The following RAB18 variants were observed in gnomAD, a reference collection of about 807,000 sequenced individuals.
The protein encoded by RAB18 is ras-related protein Rab-18.
In RAB18, 10 loss-of-function variants were observed where a neutral mutation model predicts 28.5. That is an observed-to-expected ratio of 0.35 (90% CI 0.22 to 0.60). The LOEUF is 0.60. Among genes scored for constraint, RAB18 ranks in the 20% least tolerant of loss-of-function variants. The pLI is 0.78. For missense variants in RAB18, 188 were observed against 244.2 expected (o/e 0.77, Z 1.53); for synonymous variants, 93 against 86.9 (o/e 1.07, Z -0.39).
intron 1 of RAB18, among the ~76,000 whole-genome samples, chr10:27,507,628 T>G (rs1293037570): frequency 6.6e-6 from 1 of 151,560 alleles, no homozygotes; most frequent in Non-Finnish European, 1.5e-5. Flanking sequence ...TTATTATAAA[T>G]TTGGTCACAT....
intron 6 of RAB18, among the ~76,000 whole-genome samples, chr10:27,535,382 A>T (rs1834872863): frequency 6.6e-6 from 1 of 152,124 alleles, no homozygotes; most frequent in Admixed American, 6.5e-5. Context: ...GTCTAGAGGG[A>T]GATCATCTCA....
In RAB18 at chr10:27,541,306, T is replaced by G; in HGVS notation, c.*3255T>G. ...AATAGACATAGACAGGCTAGCTAAG[T>G]CAAGACTAGGGGCTAAGGAATATAG... On this transcript the variant is annotated 3_prime_UTR_variant, in exon 7 of 7. Transcript: ENST00000356940. 2.2e-6 allele frequency: 1 copy of G among 453,504 alleles called. No individual in the cohort carries two copies. Among genetic ancestry groups the G allele is most frequent in the Non-Finnish European group, 4.4e-6 (1 of 226,718 alleles). 28.1% of individuals were successfully genotyped at this position (453,504 alleles called of 1,614,324 possible). A position where few individuals can be genotyped will look rare whatever the true frequency, so the allele number is the denominator to read the frequency against.
rs1166917754 is a variant in RAB18 at position 27,533,914 on chromosome 10, C to T, written c.379-14C>T. ...TTTTGGTAGCCTTTCTTAATCATTG[C>T]ATTTATATTTTAGGAAAATCGTGAA... On this transcript the variant is annotated splice_polypyrimidine_tract_variant and intron_variant, in intron 5 of 6. Coordinates refer to ENST00000356940, the MANE Select transcript of RAB18 (RefSeq NM_021252.5). 6.2e-7 allele frequency: 1 copy of T among 1,609,178 alleles called. No individual in the cohort carries two copies. Among genetic ancestry groups the T allele is most frequent in the Non-Finnish European group, 8.5e-7 (1 of 1,175,766 alleles).
chr10:27,525,141 G>A (rs977086243), intron 2 of RAB18, among the ~76,000 whole-genome samples: 6 of 152,122 alleles, frequency 3.9e-5, no homozygotes, highest in South Asian at 2.1e-4. Context: ...GAGGAGTTGG[G>A]GTATGGGAAG....
At chr10:27,522,509 C>G (rs1043376022) in intron 2 of RAB18, among the ~76,000 whole-genome samples, 2 of 152,194 alleles carry the variant, frequency 1.3e-5, no homozygotes, top group East Asian at 3.9e-4. Context: ...TTCTGCCAAT[C>G]TTTTGATAGG....
In RAB18 at chr10:27,541,635, CTT is replaced by C. The variant is rs34647017; in HGVS notation, c.*3596_*3597del. 4.8e-3 allele frequency: 1,960 copies of C among 411,840 alleles called. No homozygotes were observed. The highest frequency in any genetic ancestry group is 8.7e-3 in the Admixed American group (323 of 37,000). 25.5% of individuals were successfully genotyped at this position (411,840 alleles called of 1,614,324 possible). On this transcript the variant is annotated 3_prime_UTR_variant, in exon 7 of 7. Coordinates refer to ENST00000356940, the MANE Select transcript of RAB18 (RefSeq NM_021252.5). ...CGTTTCTCATGCAGGTTATTTCTTG[CTT>C]TTTTTTTTTTTCCTCTTTTTTAACC...
At chr10:27,524,303 A>G (rs1263035100) in intron 2 of RAB18, among the ~76,000 whole-genome samples, 3 of 152,092 alleles carry the variant, frequency 2.0e-5, no homozygotes, top group Non-Finnish European at 2.9e-5. Context: ...CATGTGGTGT[A>G]CAGTTGTAAC....
Position 27,533,930 on chromosome 10 carries a change from A to T in RAB18, c.381A>T (p.Glu127Asp). The change falls in exon 6 of 7, where the codon GAA becomes GAT. Residue 127 changes from glutamate to aspartate, a missense_variant and splice_region_variant. Glu to Asp is a conservative substitution (Grantham distance 45). Coordinates refer to ENST00000356940, the MANE Select transcript of RAB18 (RefSeq NM_021252.5). ...NMLVGNKIDK[E>D]NREVDRNEGL... is the part of the protein sequence containing the mutation. ...TAATCATTGCATTTATATTTTAGGA[A>T]AATCGTGAAGTCGATAGAAATGAAG... 1.2e-6 allele frequency: 2 copies of T among 1,610,678 alleles called. No homozygotes were observed. The highest frequency in any genetic ancestry group is 1.7e-6 in the Non-Finnish European group (2 of 1,176,976).
At chr10:27,520,035 G>C (rs1474950491) in intron 2 of RAB18, among the ~76,000 whole-genome samples, 2 of 152,172 alleles carry the variant, frequency 1.3e-5, no homozygotes, top group African/African-American at 4.8e-5. Flanking sequence ...TCTGCATCAA[G>C]ATGATGATCA....
chr10:27,508,067 G>A (rs1017508631), intron 1 of RAB18, among the ~76,000 whole-genome samples: 11 of 150,872 alleles, frequency 7.3e-5, no homozygotes, highest in Admixed American at 7.3e-4. Context: ...GAGATTGTCA[G>A]TTCTTTTCAA....
chr10:27,520,634 G>A (rs1389714147), intron 2 of RAB18, among the ~76,000 whole-genome samples: 2 of 151,592 alleles, frequency 1.3e-5, no homozygotes, highest in East Asian at 3.9e-4. Flanking sequence ...ATAAATTTCT[G>A]TGCCGGGCAT....
At position 27,541,851 on chromosome 10, in the gene RAB18, A is replaced by G. The variant is rs1217039049; in HGVS notation, c.*3800A>G. 1.1e-5 allele frequency: 4 copies of G among 354,712 alleles called. No homozygotes were observed. Among genetic ancestry groups the G allele is most frequent in the Non-Finnish European group, 1.7e-5 (3 of 177,976 alleles). 22.0% of individuals were successfully genotyped at this position (354,712 alleles called of 1,614,324 possible). A position where few individuals can be genotyped will look rare whatever the true frequency, so the allele number is the denominator to read the frequency against. On this transcript the variant is annotated 3_prime_UTR_variant, in exon 7 of 7. Transcript: ENST00000356940. ...ACCCCCACCCCCACCCCTGCAAACAATTGGCATGTGGTTTGGGTGGCATTG... is the reference window on the plus strand; with the variant it reads ...ACCCCCACCCCCACCCCTGCAAACAGTTGGCATGTGGTTTGGGTGGCATTG...
In RAB18 at chr10:27,541,385, A is replaced by G. The variant is rs1226850050; in HGVS notation, c.*3334A>G. 6.6e-6 allele frequency: 3 copies of G among 452,652 alleles called. No homozygotes were observed. Among genetic ancestry groups the G allele is most frequent in the Non-Finnish European group, 1.3e-5 (3 of 226,634 alleles). The allele number at this position is 452,652 out of a possible 1,614,324, so 28.0% of individuals were successfully genotyped here. A position where few individuals can be genotyped will look rare whatever the true frequency, so the allele number is the denominator to read the frequency against. On this transcript the variant is annotated 3_prime_UTR_variant, in exon 7 of 7. Coordinates refer to ENST00000356940, the MANE Select transcript of RAB18 (RefSeq NM_021252.5). ...AATTTTTCTCTCCTCAGTTGGGAAC[A>G]TCTATCATGCTGGAGGACTACTGTG...
In RAB18 at chr10:27,513,436, G is replaced by T. The variant is rs114088341; in HGVS notation, c.124+3506G>T. Among the ~76,000 whole-genome samples the T allele has an allele frequency of 1.5e-3, 228 of 152,276 alleles. 1 individual carries two copies. Among genetic ancestry groups the T allele is most frequent in the African/African-American group, 5.1e-3 (210 of 41,542 alleles). On this transcript the variant is annotated intron_variant, in intron 2 of 6. Coordinates refer to ENST00000356940, the MANE Select transcript of RAB18 (RefSeq NM_021252.5). ...TACCCCACAGTAAAATAGTAGTAAGGAAAGTGTATTGTTACCTTTTAGTAA... is the reference window on the plus strand; with the variant it reads ...TACCCCACAGTAAAATAGTAGTAAGTAAAGTGTATTGTTACCTTTTAGTAA...
intron 2 of RAB18, among the ~76,000 whole-genome samples, chr10:27,518,783 ACTT>A (rs1375105478): frequency 3.3e-5 from 5 of 152,180 alleles, no homozygotes; most frequent in East Asian, 1.9e-4. Context: ...ATGAAATCTA[ACTT>A]CTTAATTTTT....
intron 2 of RAB18, among the ~76,000 whole-genome samples, chr10:27,515,747 T>C (rs1834425515): frequency 6.6e-6 from 1 of 151,918 alleles, no homozygotes; most frequent in African/African-American, 2.4e-5. Context: ...AAAAAAAATT[T>C]TTTTTCATGA....
chr10:27,510,077 G>A (rs1044996756), intron 2 of RAB18, 147 bp downstream of exon 2: 1 of 693,314 alleles, frequency 1.4e-6, no homozygotes, highest in Non-Finnish European at 2.6e-6. Context: ...CTTAATTTTG[G>A]TATCATTAAA....
rs774063020 is a variant in RAB18 at position 27,504,304 on chromosome 10, A to T, written c.-66A>T. On this transcript the variant is annotated 5_prime_UTR_variant, in exon 1 of 7. Transcript: ENST00000356940. ...GAGCGGCGCGCATGCGCAGCAGCTC[A>T]CTCTGCTGAAGGGCTGAGAGGCGCA... 2.0e-6 allele frequency: 3 copies of T among 1,465,888 alleles called. No individual in the cohort carries two copies. The highest frequency in any genetic ancestry group is 2.0e-5 in the Admixed American group (1 of 50,936). 90.8% of individuals were successfully genotyped at this position (1,465,888 alleles called of 1,614,324 possible).
chr10:27,504,961 C>T (rs538594317), intron 1 of RAB18: 1 of 533,084 alleles, frequency 1.9e-6, no homozygotes, highest in South Asian at 1.4e-5. Context: ...AATGTCGATT[C>T]TTTTACTTTT....
Sources: allele counts gnomAD v4.1 joint callset (sites outside exome capture counted in the v4.1 genomes callset), GRCh38; gene constraint gnomAD v4.1.1; transcripts MANE v1.5; gene names NCBI Gene and HGNC (gene_info 2026-07-23, HGNC 2026-07-21).